Variants in DMD observed in about 807,000 individuals in gnomAD.
The protein encoded by DMD is mutant dystrophin.
DMD carries 63 observed loss-of-function variants against 330.1 expected under a neutral mutation model. The observed-to-expected ratio is 0.19, with a 90% confidence interval of 0.16 to 0.24. The LOEUF is 0.24. Ranked by LOEUF, DMD falls within the 10% of genes least tolerant of loss-of-function variation. The probability of loss-of-function intolerance (pLI) is 1.00; values close to 1 mark genes in which losing one functional copy is unlikely to be tolerated. For synonymous variants in DMD, 1,223 were observed against 959.8 expected (o/e 1.27, Z -5.07); for missense variants, 3,344 against 2,684.1 (o/e 1.25, Z -5.43).
At chrX:33,046,628 A>G (rs1464447141) in intron 1 of DMD, among the ~76,000 whole-genome samples, 1 of 112,117 alleles carries the variant, frequency 8.9e-6, no homozygotes, top group Non-Finnish European at 1.9e-5. Flanking sequence ...TGTTCTCCTG[A>G]TTGTAAATAT....
chrX:32,906,206 G>A (rs770437918), intron 2 of DMD, among the ~76,000 whole-genome samples: 1 of 111,080 alleles, frequency 9.0e-6, no homozygotes, highest in Non-Finnish European at 1.9e-5. Context: ...TGCTGTTCTC[G>A]CGATAGTGGG....
In DMD at chrX:32,911,430, G is replaced by A. The variant is rs147798792; in HGVS notation, c.94-61610C>T. On this transcript the variant is annotated intron_variant, in intron 2 of 78. Transcript: ENST00000357033. ...ATATTGTAGAACTTAATTCATATCT[G>A]CTAAATTAAATGAGTGAATACATAA... Among the ~76,000 whole-genome samples, 123 of 111,891 alleles carry A rather than the reference G, an allele frequency of 1.1e-3. 5 individuals are homozygous for A. In the East Asian group the frequency reaches 0.022, roughly 20 times the overall value.
rs747011482 is a variant in DMD, at chrX:31,386,600, G to A, written c.9085-37966C>T. 3.6e-5 allele frequency among the ~76,000 whole-genome samples: 4 copies of A among 111,953 alleles called. No homozygotes were observed. In the East Asian group the frequency reaches 8.4e-4, roughly 23 times the overall value. ...AGTCTTTATGCTCCCTGGGGACAGG[G>A]GTCTAATCCATCTCTGTGTTTCCAG... On this transcript the variant is annotated intron_variant, in intron 60 of 78. Transcript: ENST00000357033.
chrX:32,134,809 A>C (rs149547726), intron 44 of DMD, among the ~76,000 whole-genome samples: 319 of 111,983 alleles, frequency 2.8e-3, no homozygotes, highest in African/African-American at 0.01. Flanking sequence ...AAATGTTCAG[A>C]AAATAGGGTA....
intron 74 of DMD, among the ~76,000 whole-genome samples, 194 bp from the exon 75 acceptor site, chrX:31,147,712 A>G (rs780284168): frequency 5.5e-5 from 6 of 109,502 alleles, no homozygotes; most frequent in Non-Finnish European, 1.1e-4. Flanking sequence ...GTGCTAAAAG[A>G]ACAAAACAAA....
chrX:31,997,784 CG>C (rs1359147853), intron 44 of DMD, among the ~76,000 whole-genome samples: 1 of 110,953 alleles, frequency 9.0e-6, no homozygotes, highest in African/African-American at 3.3e-5. Flanking sequence ...AGCACATTTT[CG>C]TCTGTCAGTA....
chrX:31,361,674 AATGAT>A (rs1350701447), intron 60 of DMD, among the ~76,000 whole-genome samples: 1 of 111,441 alleles, frequency 9.0e-6, no homozygotes, highest in Non-Finnish European at 1.9e-5. Flanking sequence ...ATATAATCTT[AATGAT>A]TCAGAGATTC....
chrX:32,367,647 T>A (rs2097858994), intron 34 of DMD, among the ~76,000 whole-genome samples: 1 of 111,937 alleles, frequency 8.9e-6, no homozygotes, highest in Admixed American at 9.5e-5. Flanking sequence ...AGTTCCTGGG[T>A]CACAGAAACC....
chrX:32,837,516 T>C (rs747439582), intron 4 of DMD, among the ~76,000 whole-genome samples: 6 of 111,618 alleles, frequency 5.4e-5, no homozygotes, highest in African/African-American at 9.8e-5. Flanking sequence ...CCTTGACTGC[T>C]TAGGTTTAGA....
At chrX:31,852,801 A>C (rs998310626) in intron 48 of DMD, among the ~76,000 whole-genome samples, 2 of 112,488 alleles carry the variant, frequency 1.8e-5, no homozygotes, top group Non-Finnish European at 3.8e-5. Flanking sequence ...TTAATAATCA[A>C]ACATTAGAAA....
intron 62 of DMD, among the ~76,000 whole-genome samples, chrX:31,277,143 T>C (rs1449839638): frequency 1.8e-5 from 2 of 111,738 alleles, no homozygotes; most frequent in Non-Finnish European, 3.8e-5. Flanking sequence ...CCAAGCTAAG[T>C]AACATATGCA....
intron 30 of DMD, among the ~76,000 whole-genome samples, chrX:32,393,526 G>C (rs894570072): frequency 5.4e-5 from 6 of 111,716 alleles, no homozygotes; most frequent in African/African-American, 2.0e-4. Context: ...AAATTCATAG[G>C]GAGGAAATGC....
rs750645272 is a variant in DMD at position 31,252,394 on chromosome X, T to C, written c.9286+8561A>G. On this transcript the variant is annotated intron_variant, in intron 63 of 78. Transcript: ENST00000357033. ...CCTTTGAGAACAGAGAACTCGGAGT[T>C]TGTAAAATGTGTGTTCTGGACTTGG... 5.4e-5 allele frequency among the ~76,000 whole-genome samples: 6 copies of C among 111,965 alleles called. 1 individual carries two copies. In the South Asian group the frequency reaches 2.2e-3, roughly 42 times the overall value.
chrX:31,231,940 C>T (rs1184704517), intron 63 of DMD, among the ~76,000 whole-genome samples: 1 of 110,807 alleles, frequency 9.0e-6, no homozygotes, highest in Non-Finnish European at 1.9e-5. Context: ...GAAGGAAACA[C>T]ACAGGAAGTG....
At chrX:32,179,059 T>G (rs751139141) in intron 44 of DMD, among the ~76,000 whole-genome samples, 21 of 108,891 alleles carry the variant, frequency 1.9e-4, no homozygotes, top group Non-Finnish European at 3.6e-4. Context: ...AATATAATTT[T>G]AAATATTCTT....
At chrX:33,186,101 T>A (rs1390218560) in intron 1 of DMD, among the ~76,000 whole-genome samples, 5 of 111,742 alleles carry the variant, frequency 4.5e-5, no homozygotes, top group African/African-American at 1.6e-4. Flanking sequence ...CTTGGGGGAT[T>A]AATATCAGGG....
chrX:32,810,077 C>T (rs754374517), intron 6 of DMD, among the ~76,000 whole-genome samples: 9 of 110,515 alleles, frequency 8.1e-5, no homozygotes, highest in South Asian at 3.9e-4. Flanking sequence ...GAACCATAAT[C>T]GTGCCACTGT....
At chrX:32,885,488 A>T (rs2084427532) in intron 2 of DMD, among the ~76,000 whole-genome samples, 1 of 111,926 alleles carries the variant, frequency 8.9e-6, no homozygotes, top group Non-Finnish European at 1.9e-5. Flanking sequence ...TATAAATATA[A>T]AGAAAACATG....
intron 41 of DMD, among the ~76,000 whole-genome samples, chrX:32,323,386 C>A (rs5972530): frequency 1.8e-5 from 2 of 110,137 alleles, no homozygotes; most frequent in African/African-American, 3.3e-5. Flanking sequence ...AAAACAGTGA[C>A]AGGAAATACA....
Sources: gnomAD v4.1 joint callset for allele counts (sites outside exome capture counted in the v4.1 genomes callset) on GRCh38, gnomAD v4.1.1 for gene constraint, MANE v1.5 for transcripts, NCBI Gene and HGNC (gene_info 2026-07-23, HGNC 2026-07-21) for gene names.